The following LRSAM1 variants were observed in gnomAD, a reference collection of about 807,000 sequenced individuals.
LRSAM1 encodes the protein leucine rich repeat and sterile alpha motif containing 1, also known as E3 ubiquitin-protein ligase LRSAM1.
Under a neutral mutation model 118.1 loss-of-function variants are expected in LRSAM1, and 96 were observed. That is an observed-to-expected ratio of 0.81 (90% CI 0.69 to 0.96). LRSAM1 has a LOEUF of 0.96. Ranked by LOEUF, LRSAM1 falls within the 40% of genes least tolerant of loss-of-function variation. The pLI is 0.00. For synonymous variants in LRSAM1, 322 were observed against 364.2 expected, an observed-to-expected ratio of 0.88 and a Z score of 1.32; for missense variants, 804 against 915.5, an observed-to-expected ratio of 0.88 and a Z score of 1.57.
At chr9:127,467,292 T>C (rs185899552) in intron 9 of LRSAM1, among the ~76,000 whole-genome samples, 33 of 152,296 alleles carry the variant, frequency 2.2e-4, no homozygotes, top group Admixed American at 1.1e-3. Flanking sequence ...GTGCAGGGGC[T>C]TAAACTATCA....
At chr9:127,477,256 A>G (rs1290938493) in intron 11 of LRSAM1, among the ~76,000 whole-genome samples, 1 of 152,188 alleles carries the variant, frequency 6.6e-6, no homozygotes, top group Non-Finnish European at 1.5e-5. Flanking sequence ...TGGTCAGTAG[A>G]TGCTTTAGTT....
rs1836366517 is a variant in LRSAM1, at chr9:127,501,022, CA to C, written c.1927del (p.Met643TrpfsTer17). 6.2e-7 allele frequency: 1 copy of C among 1,613,884 alleles called. No individual in the cohort carries two copies. Among genetic ancestry groups the C allele is most frequent in the Admixed American group, 1.7e-5 (1 of 60,000 alleles). On this transcript the variant is annotated frameshift_variant, in exon 25 of 26. Coordinates refer to ENST00000300417, the MANE Select transcript of LRSAM1 (RefSeq NM_001005373.4). LOFTEE classifies it high-confidence loss of function. Reference sequence around the variant, plus strand: ...CTGGTCCCCACAGAGCTGAAACCACCAATGGGTGAGGTCGTCACCCCTACGG... The same window carrying C: ...CTGGTCCCCACAGAGCTGAAACCACCATGGGTGAGGTCGTCACCCCTACGG... ...AARIQPELKPPMGEVVTPTAP... is the reference protein window; with the variant it reads ...AARIQPELKPXMGEVVTPTAP...
At chr9:127,475,707 T>A (rs1362136108) in intron 11 of LRSAM1, among the ~76,000 whole-genome samples, 3 of 152,152 alleles carry the variant, frequency 2.0e-5, no homozygotes, top group African/African-American at 4.8e-5. Flanking sequence ...CTTTGGAGGA[T>A]AATTTGACAG....
At chr9:127,492,928 C>T (rs765030169) in intron 21 of LRSAM1, 31 bp downstream of exon 21, 9 of 1,584,386 alleles carry the variant, frequency 5.7e-6, no homozygotes, top group Non-Finnish European at 7.8e-6. Flanking sequence ...CTCAGCATCA[C>T]ACAGGCATTT....
chr9:127,459,223 T>TG (rs1381660066), intron 7 of LRSAM1, 152 bp downstream of exon 7: 4 of 744,884 alleles, frequency 5.4e-6, no homozygotes, highest in Admixed American at 2.5e-5. Context: ...TGGGGTTTTT[T>TG]TTTTTTTTTT....
At chr9:127,461,323 A>G in intron 8 of LRSAM1, 66 bp downstream of exon 8, 1 of 1,475,568 alleles carries the variant, frequency 6.8e-7, no homozygotes, top group Non-Finnish European at 9.4e-7. Context: ...GCCGGGATCC[A>G]CAGGCTGCCC....
At chr9:127,460,880 GA>G (rs1256015908) in intron 7 of LRSAM1, among the ~76,000 whole-genome samples, 17 of 111,134 alleles carry the variant, frequency 1.5e-4, no homozygotes, top group African/African-American at 5.9e-4. Context: ...TTTTGAGACG[GA>G]GTCTCACTCT....
At chr9:127,484,263 C>CTTTTTTTTTTTTTTTTTTTCTTTT (rs35834839) in intron 16 of LRSAM1, among the ~76,000 whole-genome samples, 1 of 133,666 alleles carries the variant, frequency 7.5e-6, no homozygotes. Flanking sequence ...ATTTCTTTCC[C>CTTTTTTTTTTTTTTTTTTTCTTTT]TTTTTTTTTT....
Position 127,501,044 on chromosome 9 carries a change from T to C in LRSAM1, c.1947T>C (p.Pro649=). 1.2e-5 allele frequency: 20 copies of C among 1,613,962 alleles called. No homozygotes were observed. Among genetic ancestry groups the C allele is most frequent in the Non-Finnish European group, 1.7e-5 (20 of 1,179,986 alleles). The change falls in exon 25 of 26, where the codon CCT becomes CCC. Residue 649 remains proline (P), a synonymous_variant. Coordinates refer to ENST00000300417, the MANE Select transcript of LRSAM1 (RefSeq NM_001005373.4). ...CACCAATGGGTGAGGTCGTCACCCC[T>C]ACGGCCCCCCAGGAGCCTCCTGAGT... ...LKPPMGEVVT[P]TAPQEPPESV...
chr9:127,471,558 G>A (rs1375904171), intron 10 of LRSAM1, among the ~76,000 whole-genome samples: 1 of 151,122 alleles, frequency 6.6e-6, no homozygotes, highest in Non-Finnish European at 1.5e-5. Context: ...AGGTCGAGGT[G>A]GGTGGATCAC....
intron 15 of LRSAM1, 119 bp from the exon 16 acceptor site, chr9:127,482,831 C>T: frequency 1.1e-6 from 1 of 879,076 alleles, no homozygotes; most frequent in Non-Finnish European, 1.9e-6. Context: ...TCCAGAGAGC[C>T]CATCTAGGTG....
chr9:127,483,119 AGT>A, intron 16 of LRSAM1, 99 bp downstream of exon 16: 1 of 1,143,592 alleles, frequency 8.7e-7, no homozygotes, highest in South Asian at 1.3e-5. Context: ...GAGGGCCCTG[AGT>A]GTTAGCCCTC....
intron 24 of LRSAM1, 108 bp from the exon 25 acceptor site, chr9:127,500,902 C>A: frequency 6.7e-7 from 1 of 1,498,496 alleles, no homozygotes; most frequent in Non-Finnish European, 9.2e-7. Flanking sequence ...GAGGCTCCCC[C>A]ACCCTCCAGC....
At chr9:127,498,013 C>A (rs571021162) in intron 24 of LRSAM1, among the ~76,000 whole-genome samples, 12 of 152,364 alleles carry the variant, frequency 7.9e-5, no homozygotes, top group Non-Finnish European at 1.5e-4. Flanking sequence ...CTGGGCTTGC[C>A]TGCCTCCCTG....
intron 7 of LRSAM1, among the ~76,000 whole-genome samples, chr9:127,460,859 T>TTC (rs1834712179): frequency 1.5e-5 from 2 of 132,142 alleles, no homozygotes; most frequent in Non-Finnish European, 3.2e-5. Context: ...TTTTTTTTTT[T>TTC]TTTTTTTTTT....
At chr9:127,468,834 A>AC (rs58468837) in intron 10 of LRSAM1, among the ~76,000 whole-genome samples, 33,061 of 109,952 alleles carry the variant, frequency 0.3, 6,816 homozygotes, top group Non-Finnish European at 0.37. Flanking sequence ...AAAAAAAAAA[A>AC]AAAAATCAGC....
At position 127,487,765 on chromosome 9, in the gene LRSAM1, TGAGCCCTCGCCCA is replaced by T; in HGVS notation, c.1347+8_1347+20del. The T allele has an allele frequency of 6.2e-7, 1 of 1,611,374 alleles. No individual in the cohort carries two copies. The highest frequency in any genetic ancestry group is 8.5e-7 in the Non-Finnish European group (1 of 1,178,758). On this transcript the variant is annotated splice_donor_5th_base_variant and intron_variant, in intron 18 of 25. Transcript: ENST00000300417. Reference sequence around the variant, plus strand: ...GCCATCAGCCAGATCCTGCAGGAGGTGAGCCCTCGCCCAGAGCCTGAGGGTGGGAGCTCAGGAG... The same window carrying T: ...GCCATCAGCCAGATCCTGCAGGAGGTGAGCCTGAGGGTGGGAGCTCAGGAG...
intron 6 of LRSAM1, among the ~76,000 whole-genome samples, chr9:127,458,726 G>A (rs1337244079): frequency 1.3e-5 from 2 of 152,206 alleles, no homozygotes; most frequent in Admixed American, 6.5e-5. Flanking sequence ...ATACAATGGA[G>A]TGTTTCTTTT....
intron 5 of LRSAM1, 25 bp from the exon 6 acceptor site, chr9:127,457,291 C>T (rs752926906): frequency 6.2e-7 from 1 of 1,613,500 alleles, no homozygotes; most frequent in Non-Finnish European, 8.5e-7. Context: ...CTCAGCCCAG[C>T]ATGGCCGCAC....
Sources: gnomAD v4.1 joint callset for allele counts (sites outside exome capture counted in the v4.1 genomes callset) on GRCh38, gnomAD v4.1.1 for gene constraint, MANE v1.5 for transcripts, NCBI Gene and HGNC (gene_info 2026-07-23, HGNC 2026-07-21) for gene names.